The following UNC80 variants were observed in gnomAD, a reference collection of about 807,000 sequenced individuals.
The protein encoded by UNC80 is protein unc-80 homolog.
Under a neutral mutation model 384.6 loss-of-function variants are expected in UNC80, and 164 were observed. That is an observed-to-expected ratio of 0.43 (90% CI 0.38 to 0.49). The LOEUF is 0.49. Ranked by LOEUF, UNC80 falls within the 20% of genes least tolerant of loss-of-function variation. The pLI, the probability that UNC80 is intolerant of heterozygous loss-of-function variation, is 0.00. For missense variants in UNC80, 3,330 were observed against 4,143.0 expected, an observed-to-expected ratio of 0.80 and a Z score of 5.39; for synonymous variants, 1,486 against 1,527.8, an observed-to-expected ratio of 0.97 and a Z score of 0.64.
At position 209,852,728 on chromosome 2, in the gene UNC80, G is replaced by T. The variant is rs1039582002; in HGVS notation, c.3627+3105G>T. 2.0e-5 allele frequency among the ~76,000 whole-genome samples: 3 copies of T among 152,054 alleles called. No homozygotes were observed. The South Asian group carries it at 6.2e-4, about 31-fold the overall frequency. On this transcript the variant is annotated intron_variant, in intron 22 of 64. Transcript: ENST00000673920. ...CAATTGTTCATACCTATTGATCTGGGTTAGGGGTTCCTCAGGGTTATGCTA... is the reference window on the plus strand; with the variant it reads ...CAATTGTTCATACCTATTGATCTGGTTTAGGGGTTCCTCAGGGTTATGCTA...
intron 52 of UNC80, chr2:209,969,528 C>A: frequency 4.0e-6 from 2 of 499,788 alleles, no homozygotes; most frequent in Non-Finnish European, 7.0e-6. Context: ...AAATGCAACC[C>A]ATTCATCATC....
rs1181839921 is a variant in UNC80, at chr2:209,875,704, GC to G, written c.3841-2249del. On this transcript the variant is annotated intron_variant, in intron 23 of 64. Coordinates refer to ENST00000673920, the MANE Select transcript of UNC80 (RefSeq NM_001371986.1). ...ATGTGGCCCCTCTGTCAGTCTCTCA[GC>G]ACATAGTGCATTTCCATGAACATAA... Among the ~76,000 whole-genome samples the G allele has an allele frequency of 2.4e-4, 36 of 152,144 alleles. No individual in the cohort carries two copies. In the East Asian group the frequency reaches 7.0e-3, roughly 29 times the overall value.
chr2:209,831,498 A>C lies in UNC80; in HGVS notation c.2682A>C (p.Gln894His), dbSNP rs563713900. The change falls in exon 16 of 65, where the codon CAA (glutamine) becomes CAC (histidine). Residue 894 changes from glutamine to histidine, a missense_variant. By Grantham distance (24) the Gln-to-His change is conservative (BLOSUM62 0). Coordinates refer to ENST00000673920, the MANE Select transcript of UNC80 (RefSeq NM_001371986.1). ...FTTVDNKSTA[Q>H]NVEGIIVSAM... The stretch of plus-strand genomic sequence containing the variant: ...CAGTGGACAACAAATCCACAGCCCA[A>C]AATGTGGAAGGCATTATCGTCAGCG... The C allele has an allele frequency of 6.4e-7, 1 of 1,551,426 alleles. No individual in the cohort carries two copies. The highest frequency in any genetic ancestry group is 1.4e-5 in the African/African-American group (1 of 73,132).
In UNC80 at chr2:209,891,206, G is replaced by GT. The variant is rs550935807; in HGVS notation, c.4276+2950dup. Among the ~76,000 whole-genome samples the GT allele has an allele frequency of 9.1e-4, 138 of 152,056 alleles. 1 individual carries two copies. The highest frequency in any genetic ancestry group is 3.3e-3 in the African/African-American group (136 of 41,520). ...AGTTTGAATAGTTCAAGATCAAAAC[G>GT]TTTTCACAACATTTTTAAAATACAG... On this transcript the variant is annotated intron_variant, in intron 26 of 64. Coordinates refer to ENST00000673920, the MANE Select transcript of UNC80 (RefSeq NM_001371986.1).
intron 22 of UNC80, among the ~76,000 whole-genome samples, chr2:209,865,836 A>G (rs9973848): frequency 0.16 from 24,500 of 152,078 alleles, 2,593 homozygotes; most frequent in African/African-American, 0.29. Context: ...AGATCTCTCA[A>G]TTACAATTTA....
At chr2:209,943,554 A>T (rs1475232132) in intron 45 of UNC80, 40 bp downstream of exon 45, 1 of 1,547,776 alleles carries the variant, frequency 6.5e-7, no homozygotes, top group South Asian at 1.2e-5. Context: ...AAGACCAACA[A>T]AATGAGAAAA....
In UNC80 at chr2:209,977,014, C is replaced by T. The variant is rs1310407369; in HGVS notation, c.8874C>T (p.Ser2958=). The part of the protein sequence containing the change: ...RRFIPRPLCK[S]SLIAEFNSEL... Reference sequence around the variant, plus strand: ...TCATACCACGCCCTTTGTGTAAGAGCTCGCTCATTGCTGAGTTCAACAGTG... The same window carrying T: ...TCATACCACGCCCTTTGTGTAAGAGTTCGCTCATTGCTGAGTTCAACAGTG... Residue 2958 remains serine (S), a synonymous_variant, in exon 58 of 65, where the codon AGC becomes AGT. Transcript: ENST00000673920. 1 of 1,538,776 alleles carries T rather than the reference C, an allele frequency of 6.5e-7. No homozygotes were observed. Among genetic ancestry groups the T allele is most frequent in the African/African-American group, 1.4e-5 (1 of 72,890 alleles).
chr2:209,963,743 C>A (rs1379147842), intron 51 of UNC80, among the ~76,000 whole-genome samples: 2 of 152,134 alleles, frequency 1.3e-5, no homozygotes, highest in Non-Finnish European at 2.9e-5. Context: ...ACACAGAATT[C>A]CAGGACAATG....
At chr2:209,835,130 T>C in intron 18 of UNC80, 120 bp downstream of exon 18, 1 of 750,384 alleles carries the variant, frequency 1.3e-6, no homozygotes, top group Non-Finnish European at 2.1e-6. Flanking sequence ...GCCTTGTTTC[T>C]ACCCTTTACA....
At chr2:209,945,323 G>T in intron 46 of UNC80, 134 bp downstream of exon 46, 2 of 902,480 alleles carry the variant, frequency 2.2e-6, no homozygotes, top group Non-Finnish European at 3.1e-6. Context: ...AAAAATAAAT[G>T]GAACAGTAGT....
In UNC80 at chr2:209,872,376, A is replaced by C. The variant is rs892500572; in HGVS notation, c.3628-382A>C. 2.6e-5 allele frequency among the ~76,000 whole-genome samples: 4 copies of C among 152,188 alleles called. No homozygotes were observed. Among genetic ancestry groups the C allele is most frequent in the Non-Finnish European group, 4.4e-5 (3 of 68,040 alleles). ...ATGGAATATTTGTTTGCTTCATGTA[A>C]AATTTAGGGTTCAAAAAAAGATTCA... On this transcript the variant is annotated intron_variant, in intron 22 of 64. Coordinates refer to ENST00000673920, the MANE Select transcript of UNC80 (RefSeq NM_001371986.1). This position sits in a 1 kb window ranked among gnomAD's most constrained non-coding sequence, Gnocchi z 4.1.
Position 209,813,756 on chromosome 2 carries a change from A to C in UNC80, c.1115A>C (p.Glu372Ala). The C allele has an allele frequency of 6.4e-7, 1 of 1,551,966 alleles. No individual in the cohort carries two copies. Among genetic ancestry groups the C allele is most frequent in the Non-Finnish European group, 8.7e-7 (1 of 1,147,046 alleles). The change falls in exon 8 of 65, where the codon GAG (glutamate) becomes GCG (alanine). Residue 372 changes from glutamate (E) to alanine (A), a missense_variant. Transcript: ENST00000673920. ...GAAGAGAAGCCAGAAAAGCCTCCGG[A>C]GCCAGATATTCCTCTCCTGCCCAGA... ...MLEEKPEKPP[E>A]PDIPLLPRPR...
intron 4 of UNC80, among the ~76,000 whole-genome samples, chr2:209,782,895 G>T (rs1334890909): frequency 6.7e-6 from 1 of 149,732 alleles, no homozygotes; most frequent in Non-Finnish European, 1.5e-5. Flanking sequence ...TCATGATTTT[G>T]CCACATTCAC....
In UNC80 at chr2:209,959,719, G is replaced by T. The variant is rs780100467; in HGVS notation, c.7805+12G>T. On this transcript the variant is annotated intron_variant, in intron 51 of 64. Transcript: ENST00000673920. ...AAGTCTCACATGAGGTACTGGCCTC[G>T]CTTTCCCTGCCCCAAGTGTGAACAC... 23 of 1,549,162 alleles carry T rather than the reference G, an allele frequency of 1.5e-5. No individual in the cohort carries two copies. The Admixed American group carries it at 4.3e-4, about 29-fold the overall frequency.
At chr2:209,946,082 C>T (rs2091900985) in intron 47 of UNC80, 139 bp downstream of exon 47, 1 of 671,874 alleles carries the variant, frequency 1.5e-6, no homozygotes, top group Non-Finnish European at 2.5e-6. Flanking sequence ...AAATTTAGGC[C>T]AGGTGTGGTG....
intron 22 of UNC80, among the ~76,000 whole-genome samples, chr2:209,864,032 GT>G (rs1305979513): frequency 1.5e-4 from 18 of 121,006 alleles, no homozygotes; most frequent in African/African-American, 2.8e-4. Flanking sequence ...GGGCTTTTGT[GT>G]TGTTGTTGAT....
At chr2:209,985,196 A>C (rs2093261490) in intron 61 of UNC80, among the ~76,000 whole-genome samples, 1 of 152,194 alleles carries the variant, frequency 6.6e-6, no homozygotes. Flanking sequence ...CGGATGTCTA[A>C]AAAGTCTGGT....
Position 209,918,612 on chromosome 2 carries a change from G to C in UNC80, c.5292G>C (p.Trp1764Cys). 1 of 1,551,974 alleles carries C rather than the reference G, an allele frequency of 6.4e-7. No individual in the cohort carries two copies. The highest frequency in any genetic ancestry group is 1.2e-5 in the South Asian group (1 of 84,042). ...CCGTCCCAATGTTTGACCCACCGTGGGTTCCTCAGTGCAGCGGGAGTGTCC... is the reference window on the plus strand; with the variant it reads ...CCGTCCCAATGTTTGACCCACCGTGCGTTCCTCAGTGCAGCGGGAGTGTCC... ...MPSVPMFDPP[W>C]VPQCSGSVQD... Residue 1764 changes from tryptophan to cysteine, a missense_variant, in exon 33 of 65, where the codon TGG (tryptophan) becomes TGC (cysteine). Around this residue, in one of 8 missense-constraint regions of UNC80, gnomAD observed 1,049 missense variants for 1,488.6 expected, o/e 0.70. Transcript: ENST00000673920.
At chr2:209,960,275 C>T (rs1443973407) in intron 51 of UNC80, among the ~76,000 whole-genome samples, 1 of 152,192 alleles carries the variant, frequency 6.6e-6, no homozygotes, top group African/African-American at 2.4e-5. Flanking sequence ...TGAGGCCAGT[C>T]GTCATTTACA....
Sources: gnomAD v4.1 joint callset for allele counts (sites outside exome capture counted in the v4.1 genomes callset) on GRCh38, gnomAD v4.1.1 for gene constraint, gnomAD v4.1.1 regional missense constraint, Gnocchi (gnomAD v3.1) non-coding constraint, MANE v1.5 for transcripts, NCBI Gene and HGNC (gene_info 2026-07-23, HGNC 2026-07-21) for gene names.